ASIC1: variants seen among roughly 807,000 people sequenced by gnomAD.
ASIC1 encodes the protein acid-sensing ion channel 1.
In ASIC1, 21 loss-of-function variants were observed where a neutral mutation model predicts 63.4. The ratio of observed to expected loss-of-function variants is 0.33; its 90% confidence interval spans 0.23 to 0.48. ASIC1 has a LOEUF of 0.48. Among genes scored for constraint, ASIC1 ranks in the 20% least tolerant of loss-of-function variants. The probability of loss-of-function intolerance (pLI) is 0.99; values close to 1 mark genes in which losing one functional copy is unlikely to be tolerated. For synonymous variants in ASIC1, 258 were observed against 278.2 expected, an observed-to-expected ratio of 0.93 and a Z score of 0.72; for missense variants, 478 against 695.5, an observed-to-expected ratio of 0.69 and a Z score of 3.52.
chr12:50,063,718 A>G (rs1950521533), intron 3 of ASIC1, among the ~76,000 whole-genome samples: 1 of 152,048 alleles, frequency 6.6e-6, no homozygotes, highest in East Asian at 1.9e-4. Flanking sequence ...GCACCTAGGG[A>G]AGTAAGATGC....
chr12:50,073,806 T>C, intron 3 of ASIC1: 1 of 1,534,602 alleles, frequency 6.5e-7, no homozygotes, highest in Non-Finnish European at 8.7e-7. Flanking sequence ...GCACCCTCCA[T>C]GGCACCAACC....
At chr12:50,079,131 G>A in intron 7 of ASIC1, 151 bp downstream of exon 7, 1 of 784,418 alleles carries the variant, frequency 1.3e-6, no homozygotes, top group Non-Finnish European at 2.0e-6. Context: ...GCTGAGAATG[G>A]TCAGTCATGG....
At chr12:50,066,296 G>T (rs1950545041) in intron 3 of ASIC1, among the ~76,000 whole-genome samples, 1 of 152,152 alleles carries the variant, frequency 6.6e-6, no homozygotes, top group Non-Finnish European at 1.5e-5. Context: ...AGGTCACACA[G>T]CTGGGAAATG....
At chr12:50,076,472 A>AG (rs1950656106) in intron 3 of ASIC1, among the ~76,000 whole-genome samples, 1 of 151,648 alleles carries the variant, frequency 6.6e-6, no homozygotes, top group South Asian at 2.1e-4. Context: ...ATCCCAAAAA[A>AG]AAAAAACTGA....
At chr12:50,060,010 G>A in intron 3 of ASIC1, 56 bp downstream of exon 3, 1 of 1,587,060 alleles carries the variant, frequency 6.3e-7, no homozygotes, top group East Asian at 2.2e-5. Flanking sequence ...AGGAGGAGGA[G>A]ACAAGGAGCA....
At chr12:50,069,261 T>C in intron 3 of ASIC1, among the ~76,000 whole-genome samples, 1 of 57,108 alleles carries the variant, frequency 1.8e-5, no homozygotes, top group South Asian at 4.0e-4. Flanking sequence ...TTTTATTTTA[T>C]TTATTTATTT....
intron 3 of ASIC1, among the ~76,000 whole-genome samples, chr12:50,064,737 G>C (rs1328596792): frequency 1.3e-5 from 2 of 152,200 alleles, no homozygotes; most frequent in African/African-American, 4.8e-5. Context: ...TGTGGATGGA[G>C]GTTGCTTCTG....
chr12:50,078,433 C>T lies in ASIC1; in HGVS notation c.850C>T (p.Pro284Ser). 6.2e-7 allele frequency: 1 copy of T among 1,614,014 alleles called. No homozygotes were observed. The highest frequency in any genetic ancestry group is 8.5e-7 in the Non-Finnish European group (1 of 1,179,936). Residue 284 changes from proline to serine, a missense_variant, in exon 6 of 12, where the codon CCC becomes TCC. By Grantham distance (74) the Pro-to-Ser change is moderately conservative. Around this residue, in one of 3 missense-constraint regions of ASIC1, gnomAD observed 290 missense variants for 414.9 expected, o/e 0.70. Coordinates refer to ENST00000447966, the MANE Select transcript of ASIC1 (RefSeq NM_001095.4). This position sits in a 1 kb window ranked among gnomAD's most constrained non-coding sequence, Gnocchi z 6.0. Reference protein sequence around the residue: ...ACQEQRLIYLPPPWGTCKAVT... With the variant: ...ACQEQRLIYLSPPWGTCKAVT... ...GCTCTCCCAGCAGCTCATCTACCTG[C>T]CCCCACCCTGGGGCACCTGCAAAGC...
rs984061035 is a variant in ASIC1 at position 50,083,522 on chromosome 12, T to C, written c.*1873T>C. 2.0e-5 allele frequency: 3 copies of C among 152,722 alleles called. No homozygotes were observed. Among genetic ancestry groups the C allele is most frequent in the African/African-American group, 7.2e-5 (3 of 41,448 alleles). 9.5% of individuals were successfully genotyped at this position (152,722 alleles called of 1,614,324 possible). ...ATACCTCCCCAGAGGGAAGCAGGAA[T>C]GAGGCCAAAAAGTGTGCATTGGATA... On this transcript the variant is annotated 3_prime_UTR_variant, in exon 12 of 12. Transcript: ENST00000447966.
intron 7 of ASIC1, among the ~76,000 whole-genome samples, chr12:50,079,329 C>G (rs2137847445): frequency 6.6e-6 from 1 of 152,202 alleles, no homozygotes; most frequent in Admixed American, 6.5e-5. Flanking sequence ...TGGGAGAATT[C>G]CTTGAACCGG....
At chr12:50,073,837 C>T in intron 3 of ASIC1, 1 of 1,531,166 alleles carries the variant, frequency 6.5e-7, no homozygotes, top group Non-Finnish European at 8.7e-7. Context: ...GGAGGGGGGT[C>T]CAGGGCCAAG....
chr12:50,075,658 G>A (rs1469429320), intron 3 of ASIC1, among the ~76,000 whole-genome samples: 1 of 152,126 alleles, frequency 6.6e-6, no homozygotes, highest in East Asian at 1.9e-4. Context: ...GGGGAAGGGG[G>A]CAAAGACCGT....
intron 3 of ASIC1, among the ~76,000 whole-genome samples, chr12:50,075,295 T>C (rs925506648): frequency 1.3e-5 from 2 of 152,124 alleles, no homozygotes; most frequent in African/African-American, 2.4e-5. Context: ...CCAGGAGCCA[T>C]AGGAATGTGT....
intron 8 of ASIC1, 167 bp from the exon 9 acceptor site, chr12:50,080,331 C>A (rs779486575): frequency 6.6e-5 from 52 of 785,250 alleles, no homozygotes; most frequent in Non-Finnish European, 9.1e-5. Context: ...AACATTTTTT[C>A]ATATATGCCA....
intron 3 of ASIC1, 122 bp from the exon 4 acceptor site, chr12:50,077,088 GGCT>G (rs767756929): frequency 6.8e-7 from 1 of 1,462,482 alleles, no homozygotes; most frequent in Admixed American, 1.7e-5. Context: ...ATGGAGAATG[GGCT>G]GCACGGGAGG....
At position 50,065,974 on chromosome 12, in the gene ASIC1, T is replaced by A. The variant is rs1402268570; in HGVS notation, c.558+6020T>A. On this transcript the variant is annotated intron_variant, in intron 3 of 11. Transcript: ENST00000447966. ...CGCCCCGAGCATGCAAGCACACATG[T>A]GCACCTCTGTGTGTGTCTGCAGGGG... 2.0e-5 allele frequency among the ~76,000 whole-genome samples: 3 copies of A among 152,222 alleles called. No homozygotes were observed. In the East Asian group the frequency reaches 5.8e-4, roughly 29 times the overall value.
At chr12:50,063,474 G>C (rs1475013537) in intron 3 of ASIC1, among the ~76,000 whole-genome samples, 1 of 152,244 alleles carries the variant, frequency 6.6e-6, no homozygotes, top group Non-Finnish European at 1.5e-5. Flanking sequence ...AGAGAAGGAA[G>C]AGGAGGACAG....
intron 3 of ASIC1, among the ~76,000 whole-genome samples, chr12:50,070,516 T>C (rs1367643587): frequency 6.6e-6 from 1 of 151,992 alleles, no homozygotes; most frequent in Non-Finnish European, 1.5e-5. Context: ...GGAAGAGGTA[T>C]TCAGTTGCAC....
chr12:50,074,122 G>T lies in ASIC1; in HGVS notation c.559-3091G>T. 1 of 1,535,766 alleles carries T rather than the reference G, an allele frequency of 6.5e-7. No homozygotes were observed. The highest frequency in any genetic ancestry group is 8.7e-7 in the Non-Finnish European group (1 of 1,146,650). On this transcript the variant is annotated intron_variant, in intron 3 of 11. Transcript: ENST00000447966. This position sits in a 1 kb window ranked among gnomAD's most constrained non-coding sequence, Gnocchi z 4.2. The stretch of plus-strand genomic sequence containing the variant: ...GCCCCTCGCTCCACCGGGCCCTGAG[G>T]CCTTCTCTGGGGAGCCCTTTAACCT...
Sources: gnomAD v4.1 joint callset for allele counts (sites outside exome capture counted in the v4.1 genomes callset) on GRCh38, gnomAD v4.1.1 for gene constraint, gnomAD v4.1.1 regional missense constraint, Gnocchi (gnomAD v3.1) non-coding constraint, MANE v1.5 for transcripts, NCBI Gene and HGNC (gene_info 2026-07-23, HGNC 2026-07-21) for gene names.